Variants in SIAH3 observed in about 807,000 individuals in gnomAD.
SIAH3 encodes seven in absentia homolog 3.
SIAH3 carries 9 observed loss-of-function variants against 12.6 expected under a neutral mutation model. That is an observed-to-expected ratio of 0.72 (90% CI 0.43 to 1.25). The LOEUF (loss-of-function observed/expected upper bound fraction) is 1.25. SIAH3 is among the 50% of genes most tolerant of loss of function. SIAH3 has a pLI of 0.00. For synonymous variants in SIAH3, 154 were observed against 151.1 expected, an observed-to-expected ratio of 1.02 and a Z score of -0.14; for missense variants, 390 against 365.4, an observed-to-expected ratio of 1.07 and a Z score of -0.55.
At chr13:45,810,517 C>T (rs1382617759) in intron 1 of SIAH3, among the ~76,000 whole-genome samples, 1 of 152,066 alleles carries the variant, frequency 6.6e-6, no homozygotes, top group African/African-American at 2.4e-5. Flanking sequence ...AGAAAATCAC[C>T]CTCTGGAAAT....
intron 1 of SIAH3, among the ~76,000 whole-genome samples, chr13:45,843,034 C>CTCTCTCTGTGTGTGTGTGTGTGTGTGTG (rs560128772): frequency 1.4e-5 from 2 of 139,288 alleles, no homozygotes; most frequent in East Asian, 2.3e-4. Flanking sequence ...CTCTCTCTCT[C>CTCTCTCTGTGTGTGTGTGTGTGTGTGTG]TGTGTGTGTG....
intron 1 of SIAH3, among the ~76,000 whole-genome samples, chr13:45,842,569 G>C (rs1191364869): frequency 6.6e-6 from 1 of 152,046 alleles, no homozygotes; most frequent in Non-Finnish European, 1.5e-5. Context: ...GGCTGGTCTC[G>C]AACCCCTGGG....
chr13:45,782,102 C>T lies in SIAH3; in HGVS notation c.*1281G>A, dbSNP rs1326433084. On this transcript the variant is annotated 3_prime_UTR_variant, in exon 2 of 2. Transcript: ENST00000400405. ...AACAGAAAAGACAAAGTTGACTAAA[C>T]ATGCTGACTTTCTTCAAATACACGA... 6.6e-6 allele frequency: 1 copy of T among 152,202 alleles called. No homozygotes were observed. Among genetic ancestry groups the T allele is most frequent in the East Asian group, 1.9e-4 (1 of 5,198 alleles). The allele number at this position is 152,202 out of a possible 1,614,324, so 9.4% of individuals were successfully genotyped here.
chr13:45,801,425 A>G (rs1025032691), intron 1 of SIAH3, among the ~76,000 whole-genome samples: 1 of 152,196 alleles, frequency 6.6e-6, no homozygotes, highest in Non-Finnish European at 1.5e-5. Flanking sequence ...AAATGAGGCT[A>G]AGTAAGGAAG....
In SIAH3 at chr13:45,783,860, C is replaced by A. The variant is rs200099090; in HGVS notation, c.333G>T (p.Leu111Phe). 3.1e-6 allele frequency: 5 copies of A among 1,614,020 alleles called. No homozygotes were observed. Among genetic ancestry groups the A allele is most frequent in the Non-Finnish European group, 3.4e-6 (4 of 1,179,976 alleles). Residue 111 changes from leucine (L) to phenylalanine (F), a missense_variant, in exon 2 of 2, where the codon TTG (leucine) becomes TTT (phenylalanine). Coordinates refer to ENST00000400405, the MANE Select transcript of SIAH3 (RefSeq NM_198849.3). ...GGCGGCCTTCCCACTGGCAGGAGAA[C>A]AAGGGACACATGCACAGGCAGGGCG... ...PVTPCLCMCP[L>F]FSCQWEGRLE...
intron 1 of SIAH3, among the ~76,000 whole-genome samples, chr13:45,820,477 T>G (rs553113399): frequency 6.6e-6 from 1 of 152,260 alleles, no homozygotes. Context: ...CCCGACTGTT[T>G]AAGGCCTATG....
At chr13:45,825,197 C>T (rs1950669726) in intron 1 of SIAH3, among the ~76,000 whole-genome samples, 1 of 152,166 alleles carries the variant, frequency 6.6e-6, no homozygotes, top group South Asian at 2.1e-4. Context: ...TAGGTCTCTT[C>T]AGCTTTCCTC....
chr13:45,810,787 T>C (rs556342842), intron 1 of SIAH3, among the ~76,000 whole-genome samples: 31 of 152,296 alleles, frequency 2.0e-4, no homozygotes, highest in African/African-American at 7.2e-4. Flanking sequence ...GAGGCAAACA[T>C]CCCCTGCTTC....
intron 1 of SIAH3, among the ~76,000 whole-genome samples, chr13:45,810,864 G>A (rs1401205903): frequency 6.6e-6 from 1 of 152,184 alleles, no homozygotes; most frequent in African/African-American, 2.4e-5. Context: ...GCCTGGAAAT[G>A]CCTGGGGTGA....
At position 45,778,843 on chromosome 13, in the gene SIAH3, T is replaced by A. The variant is rs574999337; in HGVS notation, c.*4540A>T. 1 of 152,184 alleles carries A rather than the reference T, an allele frequency of 6.6e-6. No individual in the cohort carries two copies. The highest frequency in any genetic ancestry group is 1.5e-5 in the Non-Finnish European group (1 of 68,022). 9.4% of individuals were successfully genotyped at this position (152,184 alleles called of 1,614,324 possible). ...GGTATTATAAGTACTCTAGAGATTA[T>A]TTAAAGTATATGGGAGGATTGCGTA... On this transcript the variant is annotated 3_prime_UTR_variant, in exon 2 of 2. Coordinates refer to ENST00000400405, the MANE Select transcript of SIAH3 (RefSeq NM_198849.3).
chr13:45,829,961 C>A (rs1486051783), intron 1 of SIAH3, among the ~76,000 whole-genome samples: 2 of 152,128 alleles, frequency 1.3e-5, no homozygotes, highest in Admixed American at 6.5e-5. Flanking sequence ...ATTTGCGAGA[C>A]CCTGGGCAAG....
intron 1 of SIAH3, among the ~76,000 whole-genome samples, chr13:45,847,490 C>G (rs989244316): frequency 2.6e-5 from 4 of 152,180 alleles, no homozygotes; most frequent in African/African-American, 9.7e-5. Flanking sequence ...TTTATCCACA[C>G]AAGTTGGTCT....
chr13:45,822,841 C>T (rs1048459901), intron 1 of SIAH3, among the ~76,000 whole-genome samples: 1 of 152,004 alleles, frequency 6.6e-6, no homozygotes, highest in Non-Finnish European at 1.5e-5. Context: ...ACTTCACGGC[C>T]TGCCCCATGG....
chr13:45,796,940 G>A (rs1313480624), intron 1 of SIAH3, among the ~76,000 whole-genome samples: 1 of 152,124 alleles, frequency 6.6e-6, no homozygotes, highest in African/African-American at 2.4e-5. Context: ...AGGCTTGGGG[G>A]GCAGGGATGG....
intron 1 of SIAH3, among the ~76,000 whole-genome samples, chr13:45,786,074 C>T (rs1232212174): frequency 6.6e-6 from 1 of 152,122 alleles, no homozygotes; most frequent in Non-Finnish European, 1.5e-5. Flanking sequence ...GCTTTGTCCC[C>T]ACCTGCCTGC....
At chr13:45,806,753 T>C (rs966058100) in intron 1 of SIAH3, among the ~76,000 whole-genome samples, 4 of 152,178 alleles carry the variant, frequency 2.6e-5, no homozygotes, top group African/African-American at 9.7e-5. Context: ...TAAAGGTATG[T>C]GAATTTTATT....
At chr13:45,844,732 C>T (rs1443093925) in intron 1 of SIAH3, among the ~76,000 whole-genome samples, 1 of 152,202 alleles carries the variant, frequency 6.6e-6, no homozygotes, top group Non-Finnish European at 1.5e-5. Flanking sequence ...ATCATTCATT[C>T]TTATGCATTC....
Position 45,810,257 on chromosome 13 carries a change from C to T in SIAH3, c.136-26200G>A, listed in dbSNP as rs147582148. On this transcript the variant is annotated intron_variant, in intron 1 of 1. Coordinates refer to ENST00000400405, the MANE Select transcript of SIAH3 (RefSeq NM_198849.3). ...CAGTCCTATCCGTCATTCACTGGGA[C>T]GCTCCATCATGGCTAGTCAGCTGAA... Among the ~76,000 whole-genome samples the T allele has an allele frequency of 5.2e-3, 793 of 152,280 alleles. 1 individual carries two copies. The highest frequency in any genetic ancestry group is 8.6e-3 in the Non-Finnish European group (587 of 68,012).
rs775629357 is a variant in SIAH3, at chr13:45,783,516, T to C, written c.677A>G (p.Asp226Gly). 2 of 1,614,108 alleles carry C rather than the reference T, an allele frequency of 1.2e-6. No homozygotes were observed. The highest frequency in any genetic ancestry group is 1.7e-6 in the Non-Finnish European group (2 of 1,180,022). ...GCAGTCCCCGTCCGTAATCACCGAG[T>C]CCACGCACTCAAGAACAGACCGGGG... ...ATPRSVLECVDSVITDGDCLV... is the reference protein window; with the variant it reads ...ATPRSVLECVGSVITDGDCLV... The change falls in exon 2 of 2, where the codon GAC (aspartate) becomes GGC (glycine). Residue 226 changes from aspartate (D) to glycine (G), a missense_variant. Coordinates refer to ENST00000400405, the MANE Select transcript of SIAH3 (RefSeq NM_198849.3).
Sources: gnomAD v4.1 joint callset for allele counts (sites outside exome capture counted in the v4.1 genomes callset) on GRCh38, gnomAD v4.1.1 for gene constraint, MANE v1.5 for transcripts, NCBI Gene and HGNC (gene_info 2026-07-23, HGNC 2026-07-21) for gene names.